PRKG1: variants seen among roughly 807,000 people sequenced by gnomAD.
The protein encoded by PRKG1 is protein kinase cGMP-dependent 1.
In PRKG1, 35 loss-of-function variants were observed where a neutral mutation model predicts 88.1. The ratio of observed to expected loss-of-function variants is 0.40; its 90% confidence interval spans 0.30 to 0.53. The LOEUF (loss-of-function observed/expected upper bound fraction) is 0.53, where lower values mean the gene tolerates loss of function less well. PRKG1 is among the 20% of genes least tolerant of loss of function. The pLI is 0.59. For synonymous variants in PRKG1, 303 were observed against 292.5 expected, an observed-to-expected ratio of 1.04 and a Z score of -0.37; for missense variants, 540 against 839.8, an observed-to-expected ratio of 0.64 and a Z score of 4.41.
At chr10:51,770,953 C>G (rs1292820605) in intron 3 of PRKG1, among the ~76,000 whole-genome samples, 1 of 152,156 alleles carries the variant, frequency 6.6e-6, no homozygotes, top group Non-Finnish European at 1.5e-5. Flanking sequence ...GCAAACATCA[C>G]AGAGTGTAAT....
chr10:51,803,013 C>T (rs956907796), intron 3 of PRKG1, among the ~76,000 whole-genome samples: 4 of 152,072 alleles, frequency 2.6e-5, no homozygotes, highest in African/African-American at 9.7e-5. Context: ...TTACTCTTTG[C>T]CCACCTCTTT....
intron 5 of PRKG1, among the ~76,000 whole-genome samples, chr10:52,010,328 C>A (rs1425058064): frequency 1.3e-5 from 2 of 149,398 alleles, no homozygotes; most frequent in African/African-American, 5.1e-5. Context: ...GCAAAAACAA[C>A]AAACAATCAC....
intron 1 of PRKG1, among the ~76,000 whole-genome samples, chr10:51,098,857 G>A (rs993249324): frequency 4.6e-5 from 7 of 152,162 alleles, no homozygotes; most frequent in East Asian, 1.9e-4. Flanking sequence ...CTTCTTTAGC[G>A]AACTTTCCCT....
At chr10:51,913,023 G>C (rs575878501) in intron 5 of PRKG1, among the ~76,000 whole-genome samples, 50 of 152,246 alleles carry the variant, frequency 3.3e-4, no homozygotes, top group African/African-American at 1.2e-3. Flanking sequence ...TCATCGCCCC[G>C]TTTCAAGAGA....
chr10:52,127,383 A>G (rs1847954743), intron 7 of PRKG1, among the ~76,000 whole-genome samples: 1 of 152,130 alleles, frequency 6.6e-6, no homozygotes, highest in Non-Finnish European at 1.5e-5. Context: ...TTAGAAATGA[A>G]GATTTGCAAG....
intron 2 of PRKG1, among the ~76,000 whole-genome samples, chr10:51,288,385 T>C (rs1019701136): frequency 2.6e-5 from 4 of 152,150 alleles, no homozygotes; most frequent in Non-Finnish European, 5.9e-5. Context: ...TAAAGAAATT[T>C]CCAAGGCCTG....
intron 2 of PRKG1, among the ~76,000 whole-genome samples, chr10:51,329,953 A>T: frequency 7.0e-6 from 1 of 142,274 alleles, no homozygotes; most frequent in African/African-American, 2.6e-5. Flanking sequence ...TTTGGATTAG[A>T]TATGATTGGA....
intron 9 of PRKG1, among the ~76,000 whole-genome samples, chr10:52,217,412 C>T (rs1475867625): frequency 6.6e-6 from 1 of 151,970 alleles, no homozygotes. Flanking sequence ...GTAGAGTTCT[C>T]TCTTTTTTAG....
intron 1 of PRKG1, among the ~76,000 whole-genome samples, chr10:51,102,287 T>A (rs2339673): frequency 4.6e-5 from 7 of 152,016 alleles, no homozygotes; most frequent in African/African-American, 1.7e-4. Flanking sequence ...TGTTTAACAA[T>A]CAGCATGACA....
intron 5 of PRKG1, among the ~76,000 whole-genome samples, chr10:51,946,765 C>T (rs1843046791): frequency 6.6e-6 from 1 of 152,046 alleles, no homozygotes; most frequent in South Asian, 2.1e-4. Context: ...GCAGTGGCTG[C>T]AGAAGAGCGG....
chr10:51,811,161 T>G (rs912020462), intron 4 of PRKG1, among the ~76,000 whole-genome samples: 1 of 152,170 alleles, frequency 6.6e-6, no homozygotes, highest in Admixed American at 6.5e-5. Flanking sequence ...GTTCATAGTT[T>G]GTTTTCTGAT....
intron 3 of PRKG1, among the ~76,000 whole-genome samples, chr10:51,593,186 A>G (rs1441623387): frequency 2.6e-5 from 4 of 152,222 alleles, no homozygotes; most frequent in African/African-American, 9.6e-5. Flanking sequence ...CTTTTGCAGT[A>G]TCACTAAAGT....
In PRKG1 at chr10:51,510,102, C is replaced by T. The variant is rs560376990; in HGVS notation, c.592+42266C>T. Among the ~76,000 whole-genome samples the T allele has an allele frequency of 4.6e-5, 7 of 152,290 alleles. No individual in the cohort carries two copies. The South Asian group carries it at 1.4e-3, about 32-fold the overall frequency. On this transcript the variant is annotated intron_variant, in intron 3 of 17. Coordinates refer to ENST00000373980, the MANE Select transcript of PRKG1 (RefSeq NM_006258.4). ...AAAAAGTTAAGTTATACCAACCTCC[C>T]TTTCCTTTCACTGCTTTTTTGTAAA...
intron 3 of PRKG1, among the ~76,000 whole-genome samples, chr10:51,607,408 G>A (rs987129104): frequency 1.3e-5 from 2 of 152,184 alleles, no homozygotes; most frequent in African/African-American, 2.4e-5. Context: ...GAGGGAAAAC[G>A]TCTGCCCTTG....
chr10:51,464,219 C>G (rs751772668), intron 2 of PRKG1, among the ~76,000 whole-genome samples: 1 of 151,810 alleles, frequency 6.6e-6, no homozygotes, highest in African/African-American at 2.4e-5. Context: ...ACCTGGGAGG[C>G]AGAGTTTGCC....
At chr10:51,440,431 C>T (rs1002194839) in intron 2 of PRKG1, among the ~76,000 whole-genome samples, 1 of 151,532 alleles carries the variant, frequency 6.6e-6, no homozygotes, top group Non-Finnish European at 1.5e-5. Flanking sequence ...TTTTTCAGAT[C>T]GAAAAATTTA....
chr10:51,980,248 T>C (rs1166277283), intron 5 of PRKG1, among the ~76,000 whole-genome samples: 1 of 152,214 alleles, frequency 6.6e-6, no homozygotes, highest in Non-Finnish European at 1.5e-5. Flanking sequence ...TTAAAAGTCA[T>C]TCAGAAGCAG....
intron 3 of PRKG1, among the ~76,000 whole-genome samples, chr10:51,537,674 G>T (rs1184783140): frequency 7.0e-6 from 1 of 143,380 alleles, no homozygotes; most frequent in Admixed American, 7.4e-5. Flanking sequence ...GTTGCAGTGA[G>T]CCAAGATTGC....
intron 2 of PRKG1, chr10:51,244,821 C>T (rs950859384): frequency 3.3e-5 from 5 of 151,732 alleles, no homozygotes; most frequent in Non-Finnish European, 5.9e-5. Flanking sequence ...GTGAGCTCCT[C>T]AGCTGCTTGA....
Sources: gnomAD v4.1 joint callset for allele counts (sites outside exome capture counted in the v4.1 genomes callset) on GRCh38, gnomAD v4.1.1 for gene constraint, MANE v1.5 for transcripts, NCBI Gene and HGNC (gene_info 2026-07-23, HGNC 2026-07-21) for gene names.